The following HTR7 variants were observed in gnomAD, a reference collection of about 807,000 sequenced individuals.
The protein encoded by HTR7 is 5-HT-7.
Under a neutral mutation model 34.0 loss-of-function variants are expected in HTR7, and 16 were observed. The ratio of observed to expected loss-of-function variants is 0.47; its 90% CI spans 0.32 to 0.71. The LOEUF (loss-of-function observed/expected upper bound fraction) is 0.71, where lower values mean the gene tolerates loss of function less well. Among genes scored for constraint, HTR7 ranks in the 30% least tolerant of loss-of-function variants. HTR7 has a pLI of 0.04. For missense variants in HTR7, 504 were observed against 625.5 expected (o/e 0.81, Z 2.07); for synonymous variants, 265 against 260.2 (o/e 1.02, Z -0.18).
At chr10:90,846,565 G>A (rs930881372) in intron 1 of HTR7, among the ~76,000 whole-genome samples, 4 of 152,278 alleles carry the variant, frequency 2.6e-5, no homozygotes, top group Admixed American at 2.0e-4. Flanking sequence ...GACCATTTTT[G>A]TCCATCTTGA....
intron 1 of HTR7, among the ~76,000 whole-genome samples, chr10:90,768,155 C>G (rs1259130471): frequency 6.6e-6 from 1 of 152,142 alleles, no homozygotes; most frequent in African/African-American, 2.4e-5. Flanking sequence ...CCATCTTAAC[C>G]CAGCTCTGCC....
At chr10:90,811,752 C>T (rs960505052) in intron 1 of HTR7, among the ~76,000 whole-genome samples, 6 of 152,022 alleles carry the variant, frequency 3.9e-5, no homozygotes, top group African/African-American at 7.2e-5. Context: ...CAACATGCCC[C>T]GAGTCAGGAA....
intron 1 of HTR7, among the ~76,000 whole-genome samples, chr10:90,831,586 T>A (rs551113272): frequency 3.9e-5 from 6 of 152,236 alleles, no homozygotes; most frequent in African/African-American, 7.2e-5. Flanking sequence ...TTGCCACTGC[T>A]GGCTCGCGCA....
Position 90,749,236 on chromosome 10 carries a change from C to T in HTR7, c.898G>A (p.Glu300Lys), listed in dbSNP as rs1209985139. The change falls in exon 2 of 4, where the codon GAA becomes AAA. Residue 300 changes from glutamate to lysine, a missense_variant. Coordinates refer to ENST00000336152, the MANE Select transcript of HTR7 (RefSeq NM_019859.4). This position sits in a 1 kb window ranked among gnomAD's most constrained non-coding sequence, Gnocchi z 4.2. ...AGTCTCGAAAGGTTTGCACACTCTT[C>T]CACCTCCTTCTGGAGCTTCACTATG... Reference protein sequence around the residue: ...NGIVKLQKEVEECANLSRLLK... With the variant: ...NGIVKLQKEVKECANLSRLLK... 5.0e-6 allele frequency: 8 copies of T among 1,613,958 alleles called. No homozygotes were observed. Among genetic ancestry groups the T allele is most frequent in the Non-Finnish European group, 6.8e-6 (8 of 1,179,984 alleles).
At chr10:90,789,629 T>C (rs1256357237) in intron 1 of HTR7, among the ~76,000 whole-genome samples, 2 of 152,128 alleles carry the variant, frequency 1.3e-5, no homozygotes, top group Non-Finnish European at 2.9e-5. Context: ...ATGAAAATGA[T>C]AAACAAAACA....
At chr10:90,781,427 G>T (rs1204727084) in intron 1 of HTR7, among the ~76,000 whole-genome samples, 3 of 152,158 alleles carry the variant, frequency 2.0e-5, no homozygotes, top group Non-Finnish European at 2.9e-5. Context: ...GAGAAAAAAA[G>T]TCTTTCAGAC....
intron 1 of HTR7, among the ~76,000 whole-genome samples, chr10:90,767,710 G>A (rs1275136358): frequency 6.6e-6 from 1 of 152,080 alleles, no homozygotes; most frequent in African/African-American, 2.4e-5. Flanking sequence ...CCTGCATTTA[G>A]CTGGTATTTG....
intron 1 of HTR7, among the ~76,000 whole-genome samples, chr10:90,852,042 A>C (rs1394587568): frequency 1.3e-5 from 2 of 151,976 alleles, no homozygotes; most frequent in Non-Finnish European, 2.9e-5. Flanking sequence ...GCAGCATGAG[A>C]ACAGACTAAT....
chr10:90,746,109 A>G (rs1178768328), intron 2 of HTR7, among the ~76,000 whole-genome samples: 2 of 152,178 alleles, frequency 1.3e-5, no homozygotes, highest in Non-Finnish European at 2.9e-5. Context: ...TGTGGGGGAA[A>G]TCATTTGACT....
Position 90,763,918 on chromosome 10 carries a change from T to C in HTR7, c.540-14324A>G, listed in dbSNP as rs190925982. Among the ~76,000 whole-genome samples the C allele has an allele frequency of 2.2e-4, 33 of 152,348 alleles. 1 individual carries two copies. The highest frequency in any genetic ancestry group is 1.9e-3 in the Admixed American group (29 of 15,302). ...AATGTAAATAGTGTTGCAGTAAACA[T>C]ATGTGTGCATGTGTCTTTATAGTAG... On this transcript the variant is annotated intron_variant, in intron 1 of 3. Transcript: ENST00000336152.
intron 1 of HTR7, among the ~76,000 whole-genome samples, chr10:90,771,843 C>T (rs1418212): frequency 2.0e-5 from 3 of 151,932 alleles, no homozygotes; most frequent in Non-Finnish European, 4.4e-5. Flanking sequence ...CTCAGGCAAA[C>T]GCACCACCAG....
At chr10:90,751,746 G>A (rs1283859384) in intron 1 of HTR7, among the ~76,000 whole-genome samples, 1 of 152,140 alleles carries the variant, frequency 6.6e-6, no homozygotes, top group African/African-American at 2.4e-5. Flanking sequence ...TAGCATGCCT[G>A]GAATTCACAA....
chr10:90,855,337 T>G (rs1424940896), intron 1 of HTR7, among the ~76,000 whole-genome samples: 1 of 152,216 alleles, frequency 6.6e-6, no homozygotes, highest in Non-Finnish European at 1.5e-5. Context: ...AGCTCATGTA[T>G]AGGAATCACA....
At chr10:90,830,248 A>G (rs1028811792) in intron 1 of HTR7, among the ~76,000 whole-genome samples, 8 of 152,242 alleles carry the variant, frequency 5.3e-5, no homozygotes, top group African/African-American at 1.9e-4. Context: ...ATTTTGGTTC[A>G]TGGGTGTTAT....
chr10:90,743,800 T>A, intron 2 of HTR7, 110 bp from the exon 3 acceptor site: 1 of 810,444 alleles, frequency 1.2e-6, no homozygotes, highest in Non-Finnish European at 2.1e-6. Flanking sequence ...ATTACCAATC[T>A]GTGAATACTT....
intron 1 of HTR7, among the ~76,000 whole-genome samples, chr10:90,754,986 A>G (rs72809082): frequency 0.14 from 21,570 of 152,160 alleles, 1,617 homozygotes; most frequent in East Asian, 0.2. Flanking sequence ...GATTATAAGA[A>G]TCACTCAGGA....
chr10:90,752,766 T>C (rs935346604), intron 1 of HTR7, among the ~76,000 whole-genome samples: 5 of 152,198 alleles, frequency 3.3e-5, no homozygotes, highest in African/African-American at 1.2e-4. Flanking sequence ...AAATTGGATA[T>C]TCTTGAAGTC....
intron 1 of HTR7, among the ~76,000 whole-genome samples, chr10:90,803,441 T>G (rs746039507): frequency 6.6e-6 from 1 of 152,126 alleles, no homozygotes; most frequent in Non-Finnish European, 1.5e-5. Flanking sequence ...CCCTTACTAG[T>G]TGAATATCCC....
intron 1 of HTR7, among the ~76,000 whole-genome samples, chr10:90,844,123 T>A (rs925417798): frequency 6.6e-6 from 1 of 152,192 alleles, no homozygotes; most frequent in African/African-American, 2.4e-5. Context: ...CCTGATTTAG[T>A]GAGATTGGCA....
Sources: gnomAD v4.1 joint callset for allele counts (sites outside exome capture counted in the v4.1 genomes callset) on GRCh38, gnomAD v4.1.1 for gene constraint, Gnocchi (gnomAD v3.1) non-coding constraint, MANE v1.5 for transcripts, NCBI Gene and HGNC (gene_info 2026-07-23, HGNC 2026-07-21) for gene names.